The following MGAT4C variants were observed in gnomAD, a reference collection of about 807,000 sequenced individuals.
MGAT4C encodes alpha-1,3-mannosyl-glycoprotein 4-beta-N-acetylglucosaminyltransferase C.
Under a neutral mutation model 40.1 loss-of-function variants are expected in MGAT4C, and 19 were observed. The ratio of observed to expected loss-of-function variants is 0.47; its 90% CI spans 0.33 to 0.70. The LOEUF (loss-of-function observed/expected upper bound fraction) is 0.70, where lower values mean the gene tolerates loss of function less well. Ranked by LOEUF, MGAT4C falls within the 30% of genes least tolerant of loss-of-function variation. The probability of loss-of-function intolerance (pLI) is 0.02; values close to 1 mark genes in which losing one functional copy is unlikely to be tolerated. For synonymous variants in MGAT4C, 181 were observed against 187.1 expected (o/e 0.97, Z 0.27); for missense variants, 491 against 563.2 (o/e 0.87, Z 1.30).
At chr12:86,411,632 A>G (rs1956606335) in intron 3 of MGAT4C, among the ~76,000 whole-genome samples, 1 of 152,232 alleles carries the variant, frequency 6.6e-6, no homozygotes, top group African/African-American at 2.4e-5. Context: ...TTAAAAGGGA[A>G]GCAGACTATA....
intron 2 of MGAT4C, among the ~76,000 whole-genome samples, chr12:86,541,445 A>C (rs1009814676): frequency 1.3e-5 from 2 of 152,196 alleles, no homozygotes; most frequent in Non-Finnish European, 2.9e-5. Context: ...TTAAAAGTTC[A>C]AAATGATTTC....
At chr12:86,552,293 G>A (rs1427356420) in intron 2 of MGAT4C, among the ~76,000 whole-genome samples, 4 of 151,948 alleles carry the variant, frequency 2.6e-5, no homozygotes, top group Admixed American at 2.6e-4. Context: ...ATCAGTGCAT[G>A]TTCTTACTCA....
rs372337984 is a variant in MGAT4C, at chr12:86,435,497, G to T, written c.-228-232C>A. Among the ~76,000 whole-genome samples, 43 of 151,858 alleles carry T rather than the reference G, an allele frequency of 2.8e-4. 1 individual carries two copies. The South Asian group carries it at 8.3e-3, about 29-fold the overall frequency. On this transcript the variant is annotated intron_variant, in intron 2 of 7. Coordinates refer to the MGAT4C transcript ENST00000548651. The stretch of plus-strand genomic sequence containing the variant: ...GTCAGTTCTATTACCATGTCTGAAA[G>T]TGTGGTCTAAGATTAAAAAAAATAC...
chr12:85,991,243 G>A (rs1885892232), intron 2 of MGAT4C, among the ~76,000 whole-genome samples: 1 of 152,120 alleles, frequency 6.6e-6, no homozygotes, highest in Non-Finnish European at 1.5e-5. Context: ...CTCTGCAGGT[G>A]GCCACTCCAT....
In MGAT4C at chr12:85,957,410, C is replaced by A. The variant is rs1202523422; in HGVS notation, c.*21879G>T. On this transcript the variant is annotated 3_prime_UTR_variant, in exon 5 of 5. Coordinates refer to ENST00000611864, the MANE Select transcript of MGAT4C (RefSeq NM_001351288.2). ...CCAGAGATATGCATACAGAAATTGT[C>A]CCTCTAGCCTTCCTTTCATGACATG... 1 of 152,030 alleles carries A rather than the reference C, an allele frequency of 6.6e-6. No individual in the cohort carries two copies. The highest frequency in any genetic ancestry group is 1.5e-5 in the Non-Finnish European group (1 of 68,016). The allele number at this position is 152,030 out of a possible 1,614,324, so 9.4% of individuals were successfully genotyped here. A position where few individuals can be genotyped will look rare whatever the true frequency, so the allele number is the denominator to read the frequency against.
chr12:86,349,251 A>G (rs1479568853), intron 3 of MGAT4C, among the ~76,000 whole-genome samples: 1 of 152,160 alleles, frequency 6.6e-6, no homozygotes, highest in Non-Finnish European at 1.5e-5. Context: ...TGCTCAGAGA[A>G]GCTACTTCCT....
At chr12:86,294,787 GTATT>G (rs1300457738) in intron 4 of MGAT4C, among the ~76,000 whole-genome samples, 3 of 152,066 alleles carry the variant, frequency 2.0e-5, no homozygotes, top group Admixed American at 6.6e-5. Flanking sequence ...TGCAATAATA[GTATT>G]TATTTATCAG....
intron 1 of MGAT4C, among the ~76,000 whole-genome samples, chr12:86,753,577 T>A (rs1299011789): frequency 6.6e-6 from 1 of 152,032 alleles, no homozygotes; most frequent in African/African-American, 2.4e-5. Flanking sequence ...CAGCCCGAGA[T>A]GGTCTCGGCA....
chr12:86,602,349 T>C (rs2136461257), intron 2 of MGAT4C, among the ~76,000 whole-genome samples: 1 of 152,298 alleles, frequency 6.6e-6, no homozygotes, highest in South Asian at 2.1e-4. Context: ...TGGTACTTCT[T>C]GTTAAAGAAT....
At chr12:86,015,253 A>ATGTG (rs74276061) in intron 2 of MGAT4C, among the ~76,000 whole-genome samples, 13,130 of 151,112 alleles carry the variant, frequency 0.087, 1,285 homozygotes, top group African/African-American at 0.25. Context: ...TTTTGCACCA[A>ATGTG]TGTGTGTGTG....
chr12:86,282,700 C>T (rs1953250798), intron 4 of MGAT4C, among the ~76,000 whole-genome samples: 1 of 152,000 alleles, frequency 6.6e-6, no homozygotes, highest in South Asian at 2.1e-4. Context: ...TCTGGCAATA[C>T]TTAATCTACT....
At chr12:86,155,842 C>A (rs1190092658) in intron 1 of MGAT4C, among the ~76,000 whole-genome samples, 1 of 152,098 alleles carries the variant, frequency 6.6e-6, no homozygotes, top group Non-Finnish European at 1.5e-5. Flanking sequence ...ACTTGGTGTT[C>A]TTTTAATCCA....
intron 1 of MGAT4C, among the ~76,000 whole-genome samples, chr12:86,056,663 T>C (rs556579367): frequency 6.6e-6 from 1 of 152,318 alleles, no homozygotes; most frequent in African/African-American, 2.4e-5. Flanking sequence ...TTCCAGGTCT[T>C]TGCCATTGTG....
intron 1 of MGAT4C, among the ~76,000 whole-genome samples, chr12:86,061,598 G>A (rs1893976775): frequency 6.6e-6 from 1 of 152,084 alleles, no homozygotes; most frequent in Admixed American, 6.6e-5. Flanking sequence ...CACCCCCATG[G>A]AGCCCAGCAA....
At chr12:86,342,099 T>C (rs1954918635) in intron 3 of MGAT4C, among the ~76,000 whole-genome samples, 1 of 152,018 alleles carries the variant, frequency 6.6e-6, no homozygotes, top group Non-Finnish European at 1.5e-5. Flanking sequence ...TTCTTATACA[T>C]GCTTATAGGC....
intron 3 of MGAT4C, among the ~76,000 whole-genome samples, chr12:86,335,886 G>A (rs976398953): frequency 6.6e-6 from 1 of 151,956 alleles, no homozygotes; most frequent in Admixed American, 6.6e-5. Context: ...CCGCTTTAAG[G>A]TCCATATATA....
At chr12:86,606,026 C>T (rs1168225566) in intron 2 of MGAT4C, among the ~76,000 whole-genome samples, 1 of 152,062 alleles carries the variant, frequency 6.6e-6, no homozygotes, top group Non-Finnish European at 1.5e-5. Flanking sequence ...AGCAAGACAC[C>T]TTCTTTACAA....
At chr12:86,107,356 ATGTGTG>A (rs551672856) in intron 1 of MGAT4C, among the ~76,000 whole-genome samples, 1 of 151,346 alleles carries the variant, frequency 6.6e-6, no homozygotes, top group Non-Finnish European at 1.5e-5. Context: ...AAATCATTGT[ATGTGTG>A]TGTGTGTGTG....
intron 3 of MGAT4C, among the ~76,000 whole-genome samples, chr12:85,988,687 A>C (rs530428448): frequency 1.1e-4 from 16 of 152,044 alleles, no homozygotes; most frequent in African/African-American, 3.9e-4. Flanking sequence ...TGATGATAAC[A>C]ATAAGAAAAA....
Sources: gnomAD v4.1 joint callset for allele counts (sites outside exome capture counted in the v4.1 genomes callset) on GRCh38, gnomAD v4.1.1 for gene constraint, MANE v1.5 for transcripts, NCBI Gene and HGNC (gene_info 2026-07-23, HGNC 2026-07-21) for gene names.